The following SPON1 variants were observed in gnomAD, a reference collection of about 807,000 sequenced individuals.
SPON1 encodes the protein spondin-1.
A neutral mutation model predicts 111.7 loss-of-function variants in SPON1; 52 were observed. The ratio of observed to expected loss-of-function variants is 0.47; its 90% CI spans 0.37 to 0.59. The LOEUF (loss-of-function observed/expected upper bound fraction) is 0.59. Among genes scored for constraint, SPON1 ranks in the 20% least tolerant of loss-of-function variants. The pLI is 0.00. For missense variants in SPON1, 957 were observed against 1,068.5 expected, an observed-to-expected ratio of 0.90 and a Z score of 1.46; for synonymous variants, 410 against 395.8, an observed-to-expected ratio of 1.04 and a Z score of -0.43.
At chr11:14,052,361 T>C (rs893325931) in intron 3 of SPON1, among the ~76,000 whole-genome samples, 3 of 152,228 alleles carry the variant, frequency 2.0e-5, no homozygotes, top group African/African-American at 7.2e-5. Flanking sequence ...CGTGTGTGAT[T>C]TAGAGGAAAA....
At chr11:14,250,975 G>A (rs996958113) in intron 7 of SPON1, among the ~76,000 whole-genome samples, 10 of 152,172 alleles carry the variant, frequency 6.6e-5, no homozygotes, top group Non-Finnish European at 1.2e-4. Flanking sequence ...GCCAGACATT[G>A]GGATATAGCT....
chr11:14,163,134 A>G (rs1386296398), intron 6 of SPON1, among the ~76,000 whole-genome samples: 4 of 152,216 alleles, frequency 2.6e-5, no homozygotes, highest in African/African-American at 4.8e-5. Flanking sequence ...AAGTTTAATA[A>G]TAACAGTGCA....
chr11:14,046,525 A>G (rs989385566), intron 3 of SPON1, among the ~76,000 whole-genome samples: 1 of 152,180 alleles, frequency 6.6e-6, no homozygotes, highest in Non-Finnish European at 1.5e-5. Context: ...CTGAGATGCT[A>G]CTTCATTAAA....
At chr11:13,963,276 C>T (rs1564874285) in intron 1 of SPON1, 134 bp downstream of exon 1, 2 of 617,140 alleles carry the variant, frequency 3.2e-6, no homozygotes, top group South Asian at 2.5e-5. Context: ...GCCCTTCTGT[C>T]CTGGCTGCCC....
At chr11:14,053,228 C>T (rs1848720763) in intron 3 of SPON1, among the ~76,000 whole-genome samples, 1 of 152,214 alleles carries the variant, frequency 6.6e-6, no homozygotes, top group Admixed American at 6.5e-5. Flanking sequence ...CAACCACCAT[C>T]TCTACCTAGT....
At chr11:14,256,564 C>T (rs782779756) in intron 9 of SPON1, 53 bp from the exon 10 acceptor site, 57 of 1,291,970 alleles carry the variant, frequency 4.4e-5, no homozygotes, top group Non-Finnish European at 6.2e-5. Context: ...CTTCCCCCTA[C>T]ACATTCCCTT....
chr11:13,995,185 T>C (rs1554911653), intron 2 of SPON1, among the ~76,000 whole-genome samples: 1 of 152,170 alleles, frequency 6.6e-6, no homozygotes, highest in Non-Finnish European at 1.5e-5. Context: ...TAGTGGACAC[T>C]CAGTAAATAT....
At chr11:14,141,814 G>T (rs12226112) in intron 6 of SPON1, among the ~76,000 whole-genome samples, 55,904 of 151,796 alleles carry the variant, frequency 0.37, 10,505 homozygotes, top group Admixed American at 0.44. Flanking sequence ...TTTAATTAAA[G>T]CCATGGCCTG....
At chr11:14,195,428 A>C (rs1848389929) in intron 6 of SPON1, among the ~76,000 whole-genome samples, 1 of 152,246 alleles carries the variant, frequency 6.6e-6, no homozygotes, top group South Asian at 2.1e-4. Context: ...GAATCAAAGG[A>C]CAAAAGCTGG....
At chr11:13,996,246 G>T (rs1404997829) in intron 2 of SPON1, among the ~76,000 whole-genome samples, 1 of 152,088 alleles carries the variant, frequency 6.6e-6, no homozygotes, top group Non-Finnish European at 1.5e-5. Context: ...CTCACTTGGT[G>T]TAAAATGCCT....
At chr11:14,109,372 A>G (rs1554925216) in intron 5 of SPON1, among the ~76,000 whole-genome samples, 1 of 152,174 alleles carries the variant, frequency 6.6e-6, no homozygotes, top group African/African-American at 2.4e-5. Flanking sequence ...TACAGAAATA[A>G]GATTAATACT....
At chr11:14,065,447 G>A (rs35460804) in intron 3 of SPON1, among the ~76,000 whole-genome samples, 1 of 152,186 alleles carries the variant, frequency 6.6e-6, no homozygotes, top group Non-Finnish European at 1.5e-5. Context: ...GCCCAGCCAC[G>A]GAGCAGCAAG....
chr11:13,978,501 C>T (rs925254411), intron 1 of SPON1, among the ~76,000 whole-genome samples: 2 of 152,178 alleles, frequency 1.3e-5, no homozygotes, highest in African/African-American at 2.4e-5. Context: ...AAAATATAAT[C>T]TAATTCGATA....
chr11:14,193,098 C>T (rs781848437), intron 6 of SPON1, among the ~76,000 whole-genome samples: 1 of 152,108 alleles, frequency 6.6e-6, no homozygotes, highest in Non-Finnish European at 1.5e-5. Flanking sequence ...GTATTTGCTC[C>T]AAAATGTAAA....
intron 6 of SPON1, among the ~76,000 whole-genome samples, chr11:14,233,433 G>A (rs1848825182): frequency 1.3e-5 from 2 of 151,974 alleles, no homozygotes. Flanking sequence ...TATGAATCAG[G>A]TCATACCACT....
intron 6 of SPON1, among the ~76,000 whole-genome samples, chr11:14,140,453 G>C (rs782008209): frequency 2.0e-5 from 3 of 152,162 alleles, no homozygotes; most frequent in Non-Finnish European, 4.4e-5. Flanking sequence ...GGAGTGCAGT[G>C]GTGCAATCTT....
At chr11:14,166,210 T>C (rs1848028163) in intron 6 of SPON1, among the ~76,000 whole-genome samples, 1 of 152,222 alleles carries the variant, frequency 6.6e-6, no homozygotes, top group Admixed American at 6.5e-5. Context: ...GTTTATCCAA[T>C]TGTGTCCTGT....
chr11:14,168,227 G>A (rs983805299), intron 6 of SPON1, among the ~76,000 whole-genome samples: 2 of 152,240 alleles, frequency 1.3e-5, no homozygotes, highest in South Asian at 4.1e-4. Context: ...TGACCTTAAA[G>A]CATTTAGCAA....
chr11:14,224,333 G>A (rs898869340), intron 6 of SPON1, among the ~76,000 whole-genome samples: 36 of 152,002 alleles, frequency 2.4e-4, no homozygotes, highest in African/African-American at 8.0e-4. Flanking sequence ...TAAACCAAGC[G>A]GTCAGGAAAG....
Sources: allele counts gnomAD v4.1 joint callset (sites outside exome capture counted in the v4.1 genomes callset), GRCh38; gene constraint gnomAD v4.1.1; transcripts MANE v1.5; gene names NCBI Gene and HGNC (gene_info 2026-07-23, HGNC 2026-07-21).